Variants in PTK2B observed in about 807,000 individuals in gnomAD.
PTK2B encodes the protein protein-tyrosine kinase 2-beta.
Under a neutral mutation model 142.9 loss-of-function variants are expected in PTK2B, and 71 were observed. The ratio of observed to expected loss-of-function variants is 0.50; its 90% CI spans 0.41 to 0.61. The LOEUF (loss-of-function observed/expected upper bound fraction) is 0.61. Among genes scored for constraint, PTK2B ranks in the 20% least tolerant of loss-of-function variants. The pLI is 0.00. For synonymous variants in PTK2B, 519 were observed against 503.4 expected (o/e 1.03, Z -0.42); for missense variants, 1,105 against 1,320.4 (o/e 0.84, Z 2.53).
At chr8:27,447,472 G>T (rs1298764006) in intron 24 of PTK2B, among the ~76,000 whole-genome samples, 1 of 152,190 alleles carries the variant, frequency 6.6e-6, no homozygotes, top group East Asian at 1.9e-4. Flanking sequence ...TGGCTCTATA[G>T]CCTGACTCAT....
intron 1 of PTK2B, among the ~76,000 whole-genome samples, chr8:27,327,151 C>T (rs774010953): frequency 3.9e-5 from 6 of 152,136 alleles, no homozygotes; most frequent in Non-Finnish European, 5.9e-5. Context: ...CTGGAAGCAG[C>T]GGGCGGCATC....
At chr8:27,436,183 G>A in intron 14 of PTK2B, 68 bp from the exon 15 acceptor site, 1 of 1,479,082 alleles carries the variant, frequency 6.8e-7, no homozygotes, top group South Asian at 1.1e-5. Context: ...AGAGCCTGCA[G>A]ACACTCAGGT....
chr8:27,372,337 G>C (rs1806409500), intron 1 of PTK2B, among the ~76,000 whole-genome samples: 2 of 152,200 alleles, frequency 1.3e-5, no homozygotes, highest in Admixed American at 1.3e-4. Flanking sequence ...CTAGTCCCAA[G>C]ATCTGCAGTC....
chr8:27,454,609 G>A lies in PTK2B; in HGVS notation c.2812G>A (p.Glu938Lys). Residue 938 changes from glutamate (E) to lysine (K), a missense_variant and splice_region_variant, in exon 30 of 31, where the codon GAG (glutamate) becomes AAG (lysine). Physicochemically the swap from Glu to Lys is moderately conservative, Grantham distance 56. Transcript: ENST00000346049. ...LPSLPSSSRT[E>K]IEGTQKLLNK... is the part of the protein sequence containing the mutation. Reference sequence around the variant, plus strand: ...TTCCTTGCCGTCATCTTCACGGACAGAGGTGAGCGTCCCATTCCAGACAGC... The same window carrying A: ...TTCCTTGCCGTCATCTTCACGGACAAAGGTGAGCGTCCCATTCCAGACAGC... The A allele has an allele frequency of 1.2e-6, 2 of 1,613,994 alleles. No homozygotes were observed. The highest frequency in any genetic ancestry group is 1.7e-6 in the Non-Finnish European group (2 of 1,179,892).
intron 1 of PTK2B, among the ~76,000 whole-genome samples, chr8:27,340,344 G>A (rs1804321330): frequency 6.6e-6 from 1 of 152,214 alleles, no homozygotes; most frequent in Non-Finnish European, 1.5e-5. Flanking sequence ...GTGTGTGCCA[G>A]GCAAAGGGTG....
At chr8:27,352,153 T>C (rs1805134337) in intron 1 of PTK2B, among the ~76,000 whole-genome samples, 2 of 152,218 alleles carry the variant, frequency 1.3e-5, no homozygotes, top group Admixed American at 6.5e-5. Flanking sequence ...TTCCAAGCGC[T>C]GCTGTCCCTG....
Position 27,439,076 on chromosome 8 carries a change from G to A in PTK2B, c.1689G>A (p.Val563=). 1 of 1,614,194 alleles carries A rather than the reference G, an allele frequency of 6.2e-7. No homozygotes were observed. The highest frequency in any genetic ancestry group is 1.1e-5 in the South Asian group (1 of 91,088). ...RNILVASPEC[V]KLGDFGLSRY... ...TCCTGGTGGCCTCCCCTGAGTGTGT[G>A]AAGCTGGGGGACTTTGGTCTTTCCC... Residue 563 remains valine, a synonymous_variant, in exon 19 of 31, where the codon GTG becomes GTA. Coordinates refer to ENST00000346049, the MANE Select transcript of PTK2B (RefSeq NM_173176.3).
At chr8:27,447,213 A>G (rs1265304209) in intron 24 of PTK2B, among the ~76,000 whole-genome samples, 1 of 152,242 alleles carries the variant, frequency 6.6e-6, no homozygotes, top group Non-Finnish European at 1.5e-5. Context: ...GACCTTTTGT[A>G]TCAGGGCTTT....
At chr8:27,416,376 T>G (rs1044217824) in intron 2 of PTK2B, among the ~76,000 whole-genome samples, 3 of 152,124 alleles carry the variant, frequency 2.0e-5, no homozygotes, top group Non-Finnish European at 4.4e-5. Context: ...TAAACCTAGA[T>G]GGCCAAATGA....
At chr8:27,319,366 G>C (rs1317816667) in intron 3 of PTK2B, among the ~76,000 whole-genome samples, 4 of 151,144 alleles carry the variant, frequency 2.6e-5, no homozygotes, top group Non-Finnish European at 5.9e-5. Flanking sequence ...AACAGGGTGG[G>C]GCATGGTGGC....
intron 1 of PTK2B, among the ~76,000 whole-genome samples, chr8:27,361,868 T>C (rs1563219970): frequency 6.6e-6 from 1 of 152,170 alleles, no homozygotes; most frequent in Non-Finnish European, 1.5e-5. Context: ...TGCTCTTCAC[T>C]GATAACCCCG....
intron 2 of PTK2B, among the ~76,000 whole-genome samples, chr8:27,417,545 A>G (rs1809478900): frequency 6.6e-6 from 1 of 152,182 alleles, no homozygotes; most frequent in Non-Finnish European, 1.5e-5. Context: ...TCATGTGTCA[A>G]AATTGTATAG....
Position 27,336,216 on chromosome 8 carries a change from C to T in PTK2B, c.-38+10535C>T, listed in dbSNP as rs112123697. On this transcript the variant is annotated intron_variant, in intron 1 of 30. Coordinates refer to ENST00000346049, the MANE Select transcript of PTK2B (RefSeq NM_173176.3). ...TGTAATTCTTACCAAAGAGTAAATG[C>T]ATATGTTTATGAAAGAAAGTTCATT... is the stretch of plus-strand genomic sequence containing the variant. 9.3e-4 allele frequency among the ~76,000 whole-genome samples: 141 copies of T among 152,334 alleles called. 4 individuals carry two copies. In the East Asian group the frequency reaches 0.024, roughly 26 times the overall value.
intron 23 of PTK2B, among the ~76,000 whole-genome samples, chr8:27,444,500 T>C (rs923658393): frequency 1.3e-5 from 2 of 152,192 alleles, no homozygotes; most frequent in African/African-American, 2.4e-5. Context: ...CCCATCCCTC[T>C]GTCTACATCA....
rs1473627618 is a variant in PTK2B, at chr8:27,454,528, C to T, written c.2734-3C>T. 1.9e-6 allele frequency: 3 copies of T among 1,614,048 alleles called. No homozygotes were observed. The highest frequency in any genetic ancestry group is 1.3e-5 in the African/African-American group (1 of 75,068). ...CGGCCATCCTGCCCCTTTCTCCCCC[C>T]AGAATGTGGGGCTGACCCTGCGGAA... On this transcript the variant is annotated splice_region_variant and splice_polypyrimidine_tract_variant and intron_variant, in intron 29 of 30. Coordinates refer to ENST00000346049, the MANE Select transcript of PTK2B (RefSeq NM_173176.3).
chr8:27,400,791 G>A (rs1233762535), intron 2 of PTK2B, among the ~76,000 whole-genome samples: 2 of 152,222 alleles, frequency 1.3e-5, no homozygotes, highest in Non-Finnish European at 2.9e-5. Flanking sequence ...CACCCCCACG[G>A]AGGAGCGTGG....
At chr8:27,366,445 C>T (rs1806024897) in intron 1 of PTK2B, among the ~76,000 whole-genome samples, 1 of 152,218 alleles carries the variant, frequency 6.6e-6, no homozygotes, top group South Asian at 2.1e-4. Flanking sequence ...CATGTGGTGC[C>T]ATGTTGGCCT....
At chr8:27,379,685 GCA>G (rs1806893920) in intron 1 of PTK2B, among the ~76,000 whole-genome samples, 1 of 152,072 alleles carries the variant, frequency 6.6e-6, no homozygotes, top group Non-Finnish European at 1.5e-5. Context: ...TTACCTTTTA[GCA>G]CATGCAAGTT....
chr8:27,396,524 A>G (rs898267391), intron 1 of PTK2B, among the ~76,000 whole-genome samples: 6 of 152,226 alleles, frequency 3.9e-5, no homozygotes, highest in African/African-American at 1.2e-4. Flanking sequence ...GAATATGTCA[A>G]TGCTCAGCCC....
Sources: gnomAD v4.1 joint callset for allele counts (sites outside exome capture counted in the v4.1 genomes callset) on GRCh38, gnomAD v4.1.1 for gene constraint, MANE v1.5 for transcripts, NCBI Gene and HGNC (gene_info 2026-07-23, HGNC 2026-07-21) for gene names.